PCDHGB5: variants seen among roughly 807,000 people sequenced by gnomAD.
The protein encoded by PCDHGB5 is protocadherin gamma-B5.
In PCDHGB5, 48 loss-of-function variants were observed where a neutral mutation model predicts 62.9. The observed-to-expected ratio is 0.76, with a 90% CI of 0.61 to 0.97. PCDHGB5 has a LOEUF of 0.97. Among genes scored for constraint, PCDHGB5 ranks in the 50% least tolerant of loss-of-function variants. The pLI, the probability that PCDHGB5 is intolerant of heterozygous loss-of-function variation, is 0.00. For missense variants in PCDHGB5, 1,118 were observed against 1,198.6 expected, an observed-to-expected ratio of 0.93 and a Z score of 0.99; for synonymous variants, 474 against 511.2, an observed-to-expected ratio of 0.93 and a Z score of 0.98.
At chr5:141,470,078 G>C (rs542998375) in intron 1 of PCDHGB5, among the ~76,000 whole-genome samples, 21 of 152,182 alleles carry the variant, frequency 1.4e-4, no homozygotes, top group Non-Finnish European at 2.9e-4. Context: ...GTAGTGATCT[G>C]AGATCATGCC....
At chr5:141,409,531 T>C (rs2095279232) in intron 1 of PCDHGB5, 1 of 1,613,870 alleles carries the variant, frequency 6.2e-7, no homozygotes, top group Non-Finnish European at 8.5e-7. Context: ...TGTATGTCGC[T>C]GACATCAACG....
At chr5:141,500,866 A>C (rs576713520) in intron 2 of PCDHGB5, among the ~76,000 whole-genome samples, 1 of 146,112 alleles carries the variant, frequency 6.8e-6, no homozygotes, top group Non-Finnish European at 1.5e-5. Context: ...AAACATACAC[A>C]TTCATTTACA....
Position 141,476,758 on chromosome 5 carries a change from G to A in PCDHGB5, c.2398-18049G>A. On this transcript the variant is annotated intron_variant, in intron 1 of 3. Transcript: ENST00000617380. The surrounding 1 kb of genome is among the most constrained non-coding windows in gnomAD (Gnocchi z 7.6). Reference sequence around the variant, plus strand: ...GGGAGCCTAGTCTCCAGTTAGTGCTGACGGCGTTGGACGGAGGGACCCCAG... The same window carrying A: ...GGGAGCCTAGTCTCCAGTTAGTGCTAACGGCGTTGGACGGAGGGACCCCAG... 1 of 1,613,868 alleles carries A rather than the reference G, an allele frequency of 6.2e-7. No homozygotes were observed. The highest frequency in any genetic ancestry group is 1.1e-5 in the South Asian group (1 of 91,086).
At chr5:141,447,371 C>G (rs1180989888) in intron 1 of PCDHGB5, among the ~76,000 whole-genome samples, 1 of 151,826 alleles carries the variant, frequency 6.6e-6, no homozygotes, top group African/African-American at 2.4e-5. Context: ...ACTCCTGACC[C>G]TGGTGATCTG....
rs368371918 is a variant in PCDHGB5 at position 141,432,800 on chromosome 5, C to G, written c.2397+32276C>G. Reference sequence around the variant, plus strand: ...GGCGGACCTCGGCAGCCTCGAGTCTCCAGCTAACTCTGAAACCTCAGACCT... The same window carrying G: ...GGCGGACCTCGGCAGCCTCGAGTCTGCAGCTAACTCTGAAACCTCAGACCT... On this transcript the variant is annotated intron_variant, in intron 1 of 3. Coordinates refer to ENST00000617380, the MANE Select transcript of PCDHGB5 (RefSeq NM_018925.3). This position sits in a 1 kb window ranked among gnomAD's most constrained non-coding sequence, Gnocchi z 6.0. The G allele has an allele frequency of 9.9e-6, 16 of 1,614,038 alleles. No individual in the cohort carries two copies. Among genetic ancestry groups the G allele is most frequent in the Non-Finnish European group, 1.3e-5 (15 of 1,180,016 alleles).
chr5:141,472,183 A>G (rs2099273731), intron 1 of PCDHGB5, among the ~76,000 whole-genome samples: 1 of 152,190 alleles, frequency 6.6e-6, no homozygotes, highest in South Asian at 2.1e-4. Flanking sequence ...CCAGTATTGG[A>G]ATTTGAATCT....
In PCDHGB5 at chr5:141,486,444, T is replaced by C. The variant is rs769032995; in HGVS notation, c.2398-8363T>C. 2 of 1,614,086 alleles carry C rather than the reference T, an allele frequency of 1.2e-6. No individual in the cohort carries two copies. On this transcript the variant is annotated intron_variant, in intron 1 of 3. Transcript: ENST00000617380. This position sits in a 1 kb window ranked among gnomAD's most constrained non-coding sequence, Gnocchi z 5.0. ...GAGGCCAAATCTAGCTATGACATCA[T>C]GGTCACTGCTTCTGATGCTGGGAAC...
chr5:141,474,961 AATC>A (rs2099357151), intron 1 of PCDHGB5, among the ~76,000 whole-genome samples: 1 of 152,254 alleles, frequency 6.6e-6, no homozygotes, highest in African/African-American at 2.4e-5. Flanking sequence ...TCACTATCCT[AATC>A]ATTATAATTT....
In PCDHGB5 at chr5:141,405,631, C is replaced by T. The variant is rs150331884; in HGVS notation, c.2397+5107C>T. The T allele has an allele frequency of 4.9e-3, 2,596 of 530,826 alleles. 48 individuals carry two copies. The highest frequency in any genetic ancestry group is 0.045 in the African/African-American group (2,348 of 52,012). The allele number at this position is 530,826 out of a possible 1,614,324, so 32.9% of individuals were successfully genotyped here. ...CTGGGACTACAGGCACGTGCCACCA[C>T]GCCCGGCTAATTTTTTGTGTGTTTT... is the stretch of plus-strand genomic sequence containing the variant. On this transcript the variant is annotated intron_variant, in intron 1 of 3. Transcript: ENST00000617380.
intron 1 of PCDHGB5, chr5:141,408,115 C>A (rs2095044760): frequency 9.6e-6 from 14 of 1,461,430 alleles, no homozygotes; most frequent in South Asian, 2.9e-5. Flanking sequence ...GGGACTCCTC[C>A]TGTCCTGGGC....
In PCDHGB5 at chr5:141,415,309, G is replaced by A. The variant is rs199689792; in HGVS notation, c.2397+14785G>A. ...GGTCTCCTGCGTCTTCCTGGCCTTC[G>A]TCATCGTGCTGCTGGCGCACAGGCT... is the stretch of plus-strand genomic sequence containing the variant. On this transcript the variant is annotated intron_variant, in intron 1 of 3. Coordinates refer to ENST00000617380, the MANE Select transcript of PCDHGB5 (RefSeq NM_018925.3). 2.7e-5 allele frequency: 44 copies of A among 1,614,216 alleles called. No homozygotes were observed. In the Middle Eastern group the frequency reaches 8.2e-4, roughly 30 times the overall value.
chr5:141,413,137 T>C, intron 1 of PCDHGB5: 1 of 1,550,612 alleles, frequency 6.4e-7, no homozygotes, highest in Non-Finnish European at 8.7e-7. Flanking sequence ...ACACAACGTG[T>C]CCAGTGAGGA....
chr5:141,476,123 C>G lies in PCDHGB5; in HGVS notation c.2398-18684C>G. Reference sequence around the variant, plus strand: ...GGAACTGCTTTTGAGTGAGATGGTCCCAGAGGCCTGGAGGAGCGGACTGGT... The same window carrying G: ...GGAACTGCTTTTGAGTGAGATGGTCGCAGAGGCCTGGAGGAGCGGACTGGT... On this transcript the variant is annotated intron_variant, in intron 1 of 3. Coordinates refer to ENST00000617380, the MANE Select transcript of PCDHGB5 (RefSeq NM_018925.3). This position sits in a 1 kb window ranked among gnomAD's most constrained non-coding sequence, Gnocchi z 7.6. 1 of 1,602,442 alleles carries G rather than the reference C, an allele frequency of 6.2e-7. No individual in the cohort carries two copies. The highest frequency in any genetic ancestry group is 8.5e-7 in the Non-Finnish European group (1 of 1,176,022).
At position 141,491,910 on chromosome 5, in the gene PCDHGB5, G is replaced by T. The variant is rs946745903; in HGVS notation, c.2398-2897G>T. On this transcript the variant is annotated intron_variant, in intron 1 of 3. Coordinates refer to ENST00000617380, the MANE Select transcript of PCDHGB5 (RefSeq NM_018925.3). This position sits in a 1 kb window ranked among gnomAD's most constrained non-coding sequence, Gnocchi z 6.9. ...GGCTCCGAGCACCGGGGGTGGTGGC[G>T]ACTGTGGGCGAGGGGAGGTGGGACC... 3.6e-6 allele frequency: 5 copies of T among 1,406,946 alleles called. No individual in the cohort carries two copies. Among genetic ancestry groups the T allele is most frequent in the Non-Finnish European group, 4.7e-6 (5 of 1,059,702 alleles). 87.2% of individuals were successfully genotyped at this position (1,406,946 alleles called of 1,614,324 possible).
intron 1 of PCDHGB5, chr5:141,415,110 C>A: frequency 6.2e-7 from 1 of 1,613,666 alleles, no homozygotes; most frequent in Middle Eastern, 1.7e-4. Flanking sequence ...TCAAGCAAAG[C>A]CTCGTAGTGG....
chr5:141,404,572 A>G (rs755182149), intron 1 of PCDHGB5: 79 of 1,613,728 alleles, frequency 4.9e-5, no homozygotes, highest in Non-Finnish European at 6.0e-5. Context: ...GTGGAAGCCC[A>G]CCACTTAGCA....
intron 1 of PCDHGB5, among the ~76,000 whole-genome samples, chr5:141,430,341 C>T (rs766664177): frequency 1.4e-4 from 21 of 149,938 alleles, no homozygotes; most frequent in Non-Finnish European, 2.8e-4. Context: ...TAGAAACTTC[C>T]AATTCATTTA....
intron 1 of PCDHGB5, chr5:141,415,605 G>T: frequency 1.2e-6 from 2 of 1,613,122 alleles, no homozygotes; most frequent in Non-Finnish European, 1.7e-6. Flanking sequence ...ATACCCCATT[G>T]GTTCCAGTGA....
At chr5:141,453,087 T>G (rs2098755775) in intron 1 of PCDHGB5, among the ~76,000 whole-genome samples, 1 of 152,150 alleles carries the variant, frequency 6.6e-6, no homozygotes, top group Non-Finnish European at 1.5e-5. Context: ...TTGATTAGTA[T>G]ATTTTCTGTT....
Sources: allele counts gnomAD v4.1 joint callset (sites outside exome capture counted in the v4.1 genomes callset), GRCh38; gene constraint gnomAD v4.1.1; non-coding constraint Gnocchi (gnomAD v3.1); transcripts MANE v1.5; gene names NCBI Gene and HGNC (gene_info 2026-07-23, HGNC 2026-07-21).